The following TENM2 variants were observed in gnomAD, a reference collection of about 807,000 sequenced individuals.
TENM2 encodes the protein teneurin transmembrane protein 2.
Under a neutral mutation model 245.2 loss-of-function variants are expected in TENM2, and 52 were observed. The ratio of observed to expected loss-of-function variants is 0.21; its 90% CI spans 0.17 to 0.27. The LOEUF is 0.27. Among genes scored for constraint, TENM2 ranks in the 10% least tolerant of loss-of-function variants. The pLI, the probability that TENM2 is intolerant of heterozygous loss-of-function variation, is 1.00. For missense variants in TENM2, 3,046 were observed against 3,666.8 expected (o/e 0.83, Z 4.37); for synonymous variants, 1,363 against 1,438.9 (o/e 0.95, Z 1.19).
At chr5:167,167,465 G>A in the TENM2 span, among the ~76,000 whole-genome samples, 1 of 152,026 alleles carries the variant, frequency 6.6e-6, no homozygotes, top group Non-Finnish European at 1.5e-5. Context: ...ACTCTTTCTG[G>A]CAGTTCCCCA....
intron 2 of TENM2, among the ~76,000 whole-genome samples, chr5:167,831,427 T>C (rs1768475227): frequency 6.6e-6 from 1 of 150,860 alleles, no homozygotes. Flanking sequence ...TTGCAGAGCA[T>C]GCCAGGAAAG....
At chr5:167,371,972 G>C (rs1760466875) in intron 1 of TENM2, among the ~76,000 whole-genome samples, 1 of 152,098 alleles carries the variant, frequency 6.6e-6, no homozygotes, top group Non-Finnish European at 1.5e-5. Context: ...CTTACAATGA[G>C]GTTCCTATTC....
chr5:167,874,371 T>G (rs1773243253), intron 2 of TENM2, among the ~76,000 whole-genome samples: 1 of 152,164 alleles, frequency 6.6e-6, no homozygotes, highest in African/African-American at 2.4e-5. Context: ...TTAAATTCAC[T>G]GAATAATGAA....
intron 4 of TENM2, among the ~76,000 whole-genome samples, chr5:167,972,829 G>GA (rs1242100061): frequency 6.6e-6 from 1 of 152,026 alleles, no homozygotes; most frequent in Non-Finnish European, 1.5e-5. Flanking sequence ...AAATACCCTA[G>GA]AAATGCCAAT....
the TENM2 span, among the ~76,000 whole-genome samples, chr5:167,220,088 G>A: frequency 6.6e-6 from 1 of 152,168 alleles, no homozygotes; most frequent in Non-Finnish European, 1.5e-5. Flanking sequence ...CAGTGCAAGG[G>A]TTTGGGTCAG....
chr5:166,985,431 T>G, the TENM2 span, among the ~76,000 whole-genome samples: 1 of 152,176 alleles, frequency 6.6e-6, no homozygotes, highest in Non-Finnish European at 1.5e-5. Flanking sequence ...CTGAAACTTC[T>G]TGAGAAGGCA....
At chr5:167,549,365 A>G (rs550867681) in intron 2 of TENM2, among the ~76,000 whole-genome samples, 12 of 152,354 alleles carry the variant, frequency 7.9e-5, no homozygotes, top group Non-Finnish European at 1.5e-5. Context: ...AAATGAAAAT[A>G]AAATTACAAA....
intron 4 of TENM2, among the ~76,000 whole-genome samples, chr5:167,961,240 T>C (rs1406736616): frequency 6.6e-6 from 1 of 152,240 alleles, no homozygotes; most frequent in African/African-American, 2.4e-5. Flanking sequence ...ATAAAAACTG[T>C]ATATAATAGA....
At chr5:167,292,274 A>G (rs1273859841) in intron 1 of TENM2, among the ~76,000 whole-genome samples, 3 of 152,196 alleles carry the variant, frequency 2.0e-5, no homozygotes, top group African/African-American at 7.2e-5. Context: ...ATCTTTACAT[A>G]TCCAAGTGGG....
chr5:167,939,975 G>A (rs543481721), intron 3 of TENM2, among the ~76,000 whole-genome samples: 1 of 152,290 alleles, frequency 6.6e-6, no homozygotes, highest in African/African-American at 2.4e-5. Flanking sequence ...CGCTTGGGGT[G>A]TGTGGGAGGC....
At chr5:167,681,731 G>A (rs1209398302) in intron 2 of TENM2, among the ~76,000 whole-genome samples, 1 of 152,032 alleles carries the variant, frequency 6.6e-6, no homozygotes, top group African/African-American at 2.4e-5. Context: ...CAAAAAGATT[G>A]TACCAATTTG....
chr5:167,827,846 C>A (rs2151076310), intron 2 of TENM2, among the ~76,000 whole-genome samples: 1 of 152,168 alleles, frequency 6.6e-6, no homozygotes, highest in Admixed American at 6.5e-5. Flanking sequence ...CCACCTTTTT[C>A]CCTTTGAACT....
At chr5:167,441,937 C>T (rs1045351896) in intron 2 of TENM2, among the ~76,000 whole-genome samples, 6 of 152,144 alleles carry the variant, frequency 3.9e-5, no homozygotes, top group Non-Finnish European at 8.8e-5. Context: ...ACCTACTTGG[C>T]ATGTGTTCTT....
chr5:167,435,157 G>A (rs185905139), intron 2 of TENM2, among the ~76,000 whole-genome samples: 91 of 152,264 alleles, frequency 6.0e-4, no homozygotes, highest in Non-Finnish European at 9.6e-4. Flanking sequence ...GTTTCATGGG[G>A]GGGAAAGGAA....
At chr5:168,005,274 G>A (rs1784733410) in intron 5 of TENM2, among the ~76,000 whole-genome samples, 2 of 152,158 alleles carry the variant, frequency 1.3e-5, no homozygotes, top group South Asian at 2.1e-4. Context: ...AGAGCTGTCT[G>A]TCGTGTTTGT....
chr5:167,045,994 T>A, the TENM2 span, among the ~76,000 whole-genome samples: 1 of 152,228 alleles, frequency 6.6e-6, no homozygotes, highest in African/African-American at 2.4e-5. Context: ...ATAGATCAAT[T>A]GCCTTCTACA....
chr5:167,834,474 G>A (rs1583138400), intron 2 of TENM2, among the ~76,000 whole-genome samples: 1 of 152,204 alleles, frequency 6.6e-6, no homozygotes, highest in Middle Eastern at 3.4e-3. Flanking sequence ...GCAAAATTGG[G>A]ATCCATTGTG....
chr5:167,327,032 TTTA>T (rs1757130615), intron 1 of TENM2, among the ~76,000 whole-genome samples: 1 of 152,102 alleles, frequency 6.6e-6, no homozygotes, highest in Non-Finnish European at 1.5e-5. Flanking sequence ...TTTAAAAAAT[TTTA>T]TTATTATACT....
chr5:168,230,761 G>C (rs1002252442), intron 25 of TENM2: 5 of 152,190 alleles, frequency 3.3e-5, no homozygotes, highest in Non-Finnish European at 7.4e-5. Context: ...GGAACAAGGA[G>C]ACTCTAGAGA....
Sources: gnomAD v4.1 joint callset for allele counts (sites outside exome capture counted in the v4.1 genomes callset) on GRCh38, gnomAD v4.1.1 for gene constraint, MANE v1.5 for transcripts, NCBI Gene and HGNC (gene_info 2026-07-23, HGNC 2026-07-21) for gene names.